Variants in ASTN2 observed in about 807,000 individuals in gnomAD.
ASTN2 encodes the protein astrotactin 2.
Under a neutral mutation model 139.8 loss-of-function variants are expected in ASTN2, and 54 were observed. The ratio of observed to expected loss-of-function variants is 0.39; its 90% CI spans 0.31 to 0.48. The LOEUF (loss-of-function observed/expected upper bound fraction) is 0.48, where lower values mean the gene tolerates loss of function less well. Ranked by LOEUF, ASTN2 falls within the 20% of genes least tolerant of loss-of-function variation. The pLI, the probability that ASTN2 is intolerant of heterozygous loss-of-function variation, is 0.95. For synonymous variants in ASTN2, 756 were observed against 719.5 expected, an observed-to-expected ratio of 1.05 and a Z score of -0.81; for missense variants, 1,565 against 1,725.1, an observed-to-expected ratio of 0.91 and a Z score of 1.64.
Position 117,171,084 on chromosome 9 carries a change from A to C in ASTN2, c.1016-29606T>G, listed in dbSNP as rs946457824. On this transcript the variant is annotated intron_variant, in intron 3 of 22. Transcript: ENST00000313400. ...GAGAGCTCTCAGCGACATCCCATAG[A>C]ATTTGGACTAACTTCTCAGGATGCT... Among the ~76,000 whole-genome samples, 218 of 152,154 alleles carry C rather than the reference A, an allele frequency of 1.4e-3. 3 individuals are homozygous for C. The highest frequency in any genetic ancestry group is 8.8e-5 in the Non-Finnish European group (6 of 68,028).
chr9:116,836,982 G>T (rs1832017805), intron 11 of ASTN2, among the ~76,000 whole-genome samples: 2 of 151,908 alleles, frequency 1.3e-5, no homozygotes, highest in Non-Finnish European at 2.9e-5. Context: ...ATACAAAAAA[G>T]TTGAAGACCC....
At chr9:117,360,078 A>AGT (rs376507045) in intron 1 of ASTN2, among the ~76,000 whole-genome samples, 3 of 152,086 alleles carry the variant, frequency 2.0e-5, no homozygotes, top group African/African-American at 7.2e-5. Context: ...TCTGACCCCT[A>AGT]GTGTGTGTGT....
intron 12 of ASTN2, 79 bp downstream of exon 12, chr9:116,820,538 G>C (rs766587971): frequency 4.5e-5 from 68 of 1,518,444 alleles, no homozygotes; most frequent in Middle Eastern, 2.2e-4. Flanking sequence ...GCCTTGCTGA[G>C]CTGTAGTGTC....
intron 4 of ASTN2, among the ~76,000 whole-genome samples, chr9:117,101,214 A>T (rs1242680689): frequency 6.6e-6 from 1 of 152,160 alleles, no homozygotes; most frequent in Non-Finnish European, 1.5e-5. Flanking sequence ...GGTGGCAGCC[A>T]CCCAAGGCAT....
At chr9:117,307,100 C>G (rs1183334887) in intron 1 of ASTN2, among the ~76,000 whole-genome samples, 1 of 152,182 alleles carries the variant, frequency 6.6e-6, no homozygotes, top group African/African-American at 2.4e-5. Flanking sequence ...CTAAAAACCC[C>G]TGTGAAAATG....
chr9:116,829,845 A>T (rs1831753221), intron 11 of ASTN2, among the ~76,000 whole-genome samples: 1 of 152,194 alleles, frequency 6.6e-6, no homozygotes, highest in African/African-American at 2.4e-5. Context: ...GAAGAATGAA[A>T]CTGGACTCAT....
chr9:117,227,560 C>T (rs10513288), intron 2 of ASTN2, among the ~76,000 whole-genome samples: 20,945 of 152,124 alleles, frequency 0.14, 3,685 homozygotes, highest in African/African-American at 0.41. Flanking sequence ...GGTTTAGTAG[C>T]TCCTCAAGGA....
chr9:116,509,270 G>A (rs1394334684), intron 19 of ASTN2, among the ~76,000 whole-genome samples: 4 of 152,034 alleles, frequency 2.6e-5, no homozygotes, highest in Non-Finnish European at 4.4e-5. Flanking sequence ...TTGGTTTTTT[G>A]TCTTTGTGAT....
intron 20 of ASTN2, among the ~76,000 whole-genome samples, chr9:116,464,148 T>C (rs565299388): frequency 1.1e-4 from 16 of 152,158 alleles, no homozygotes; most frequent in African/African-American, 3.6e-4. Context: ...TATTTGTCAG[T>C]GTGTGGACAT....
At chr9:116,888,670 G>A (rs911470678) in intron 10 of ASTN2, among the ~76,000 whole-genome samples, 2 of 151,050 alleles carry the variant, frequency 1.3e-5, no homozygotes, top group Non-Finnish European at 2.9e-5. Context: ...TTACAGGCAC[G>A]CGCCACCACA....
At chr9:116,923,478 C>T (rs1834669745) in intron 10 of ASTN2, among the ~76,000 whole-genome samples, 1 of 152,188 alleles carries the variant, frequency 6.6e-6, no homozygotes, top group African/African-American at 2.4e-5. Context: ...CAGACTTCTG[C>T]CTTAGGCAGA....
chr9:117,131,812 T>C (rs1829834310), intron 4 of ASTN2, among the ~76,000 whole-genome samples: 1 of 152,204 alleles, frequency 6.6e-6, no homozygotes, highest in Non-Finnish European at 1.5e-5. Context: ...ATTTATGTCT[T>C]TGCCTGTAAC....
intron 19 of ASTN2, 124 bp from the exon 20 acceptor site, chr9:116,487,624 G>A (rs1228331678): frequency 1.0e-6 from 1 of 962,534 alleles, no homozygotes; most frequent in Admixed American, 3.1e-5. Context: ...GATAGAAAAA[G>A]CAAAAGATAT....
At chr9:117,307,887 G>A (rs1011855689) in intron 1 of ASTN2, among the ~76,000 whole-genome samples, 7 of 152,236 alleles carry the variant, frequency 4.6e-5, no homozygotes, top group Admixed American at 2.0e-4. Context: ...CCTCTCCTGC[G>A]GTCTCCTGAA....
chr9:116,510,844 A>G (rs554351078), intron 19 of ASTN2, among the ~76,000 whole-genome samples: 11 of 152,238 alleles, frequency 7.2e-5, no homozygotes, highest in Non-Finnish European at 2.9e-5. Flanking sequence ...ATTTTTGCAC[A>G]TTGATTTTGT....
intron 20 of ASTN2, among the ~76,000 whole-genome samples, chr9:116,446,938 T>C (rs1182574349): frequency 6.6e-6 from 1 of 152,200 alleles, no homozygotes; most frequent in African/African-American, 2.4e-5. Flanking sequence ...CAGGACATTG[T>C]CATCCTCAGG....
At chr9:116,964,017 T>C (rs1027869820) in intron 10 of ASTN2, among the ~76,000 whole-genome samples, 2 of 152,178 alleles carry the variant, frequency 1.3e-5, no homozygotes, top group African/African-American at 4.8e-5. Flanking sequence ...TTGTTGCTTT[T>C]CTGGAACTTT....
At chr9:116,565,375 C>CCA (rs1853141404) in intron 19 of ASTN2, among the ~76,000 whole-genome samples, 2 of 30,602 alleles carry the variant, frequency 6.5e-5, no homozygotes, top group Non-Finnish European at 1.1e-4. Context: ...CTCTCTCTCT[C>CCA]TCTCTCTCTC....
At position 117,264,363 on chromosome 9, in the gene ASTN2, C is replaced by A. The variant is rs10983591; in HGVS notation, c.630+26963G>T. 5.3e-5 allele frequency among the ~76,000 whole-genome samples: 8 copies of A among 152,218 alleles called. No homozygotes were observed. The East Asian group carries it at 1.5e-3, about 29-fold the overall frequency. On this transcript the variant is annotated intron_variant, in intron 2 of 22. Coordinates refer to ENST00000313400, the MANE Select transcript of ASTN2 (RefSeq NM_001365068.1). ...ACAAGTCTGGATTCAAATTCTGGCT[C>A]TACCACTCATGGCTGCCTGATGTTG...
Sources: allele counts gnomAD v4.1 joint callset (sites outside exome capture counted in the v4.1 genomes callset), GRCh38; gene constraint gnomAD v4.1.1; transcripts MANE v1.5; gene names NCBI Gene and HGNC (gene_info 2026-07-23, HGNC 2026-07-21).